The following CHD1 variants were observed in gnomAD, a reference collection of about 807,000 sequenced individuals.
CHD1 encodes chromodomain helicase DNA binding protein 1, also known as ATP-dependent chromatin remodeler CHD1.
Under a neutral mutation model 224.2 loss-of-function variants are expected in CHD1, and 36 were observed. That is an observed-to-expected ratio of 0.16 (90% CI 0.12 to 0.21). The LOEUF is 0.21. CHD1 is among the 10% of genes least tolerant of loss of function. The probability of loss-of-function intolerance (pLI) is 1.00; values close to 1 mark genes in which losing one functional copy is unlikely to be tolerated. For missense variants in CHD1, 1,378 were observed against 1,994.8 expected (o/e 0.69, Z 5.89); for synonymous variants, 668 against 658.3 (o/e 1.01, Z -0.23).
intron 30 of CHD1, chr5:98,868,940 T>C (rs954817511): frequency 5.3e-5 from 35 of 662,990 alleles, no homozygotes; most frequent in Non-Finnish European, 6.3e-5. Context: ...AGGGCTGATA[T>C]GCAATTTAGT....
intron 2 of CHD1, among the ~76,000 whole-genome samples, chr5:98,919,036 T>C (rs1297108881): frequency 6.6e-6 from 1 of 152,262 alleles, no homozygotes; most frequent in African/African-American, 2.4e-5. Flanking sequence ...TATAATAATC[T>C]TTCTTGAAGT....
intron 3 of CHD1, among the ~76,000 whole-genome samples, chr5:98,904,654 A>C (rs901230902): frequency 2.0e-5 from 3 of 152,250 alleles, no homozygotes; most frequent in African/African-American, 7.2e-5. Context: ...CCTAAGAGGC[A>C]GAAAACGTTT....
At chr5:98,866,067 G>C (rs1748839001) in intron 31 of CHD1, among the ~76,000 whole-genome samples, 1 of 151,930 alleles carries the variant, frequency 6.6e-6, no homozygotes, top group Non-Finnish European at 1.5e-5. Flanking sequence ...AAAAGCTAAA[G>C]AATACCACCT....
intron 15 of CHD1, among the ~76,000 whole-genome samples, chr5:98,889,578 CTG>C (rs1466411876): frequency 7.6e-6 from 1 of 131,138 alleles, no homozygotes; most frequent in Non-Finnish European, 1.6e-5. Flanking sequence ...GCTAATGAAA[CTG>C]AATTATTTTG....
intron 2 of CHD1, among the ~76,000 whole-genome samples, chr5:98,917,801 T>C (rs967284652): frequency 6.6e-6 from 1 of 152,186 alleles, no homozygotes; most frequent in Non-Finnish European, 1.5e-5. Context: ...AACTTCTGAG[T>C]GCAATTTAAC....
At chr5:98,897,810 A>C (rs1751437653) in intron 10 of CHD1, among the ~76,000 whole-genome samples, 1 of 152,210 alleles carries the variant, frequency 6.6e-6, no homozygotes, top group African/African-American at 2.4e-5. Flanking sequence ...GTATTGTGCA[A>C]GGTAGTTCTG....
intron 10 of CHD1, among the ~76,000 whole-genome samples, chr5:98,897,910 G>GT (rs1173642666): frequency 6.6e-6 from 1 of 151,942 alleles, no homozygotes; most frequent in African/African-American, 2.4e-5. Flanking sequence ...GTTTCCAAGG[G>GT]TTTTTTTCTG....
At chr5:98,915,363 T>C (rs1263303812) in intron 2 of CHD1, among the ~76,000 whole-genome samples, 2 of 152,040 alleles carry the variant, frequency 1.3e-5, no homozygotes, top group Non-Finnish European at 2.9e-5. Flanking sequence ...CCTTAAAGTT[T>C]CTAACTGAAG....
intron 2 of CHD1, among the ~76,000 whole-genome samples, chr5:98,917,663 C>T (rs530141660): frequency 6.6e-6 from 1 of 152,288 alleles, no homozygotes; most frequent in East Asian, 1.9e-4. Flanking sequence ...TGCCTCAGTT[C>T]TGAGAGATAC....
At chr5:98,858,914 T>A (rs2545734) in intron 34 of CHD1, 50 bp downstream of exon 34, 220,378 of 1,319,184 alleles carry the variant, frequency 0.17, 20,040 homozygotes, top group Middle Eastern at 0.26. Context: ...AACAAAAATT[T>A]AAAAAAAATT....
At chr5:98,915,114 G>A (rs1057217603) in intron 2 of CHD1, among the ~76,000 whole-genome samples, 1 of 152,144 alleles carries the variant, frequency 6.6e-6, no homozygotes, top group African/African-American at 2.4e-5. Flanking sequence ...TTTACATCAT[G>A]ATGAAGTATA....
At position 98,923,977 on chromosome 5, in the gene CHD1, C is replaced by T. The variant is rs890605456; in HGVS notation, c.53+2357G>A. Among the ~76,000 whole-genome samples, 6 of 151,912 alleles carry T rather than the reference C, an allele frequency of 3.9e-5. No individual in the cohort carries two copies. The South Asian group carries it at 6.3e-4, about 16-fold the overall frequency. ...AACTATGAATAAGAAAATGTGAGGCCGGGTGTGGCAGCTCACACCTGTAAT... is the reference window on the plus strand; with the variant it reads ...AACTATGAATAAGAAAATGTGAGGCTGGGTGTGGCAGCTCACACCTGTAAT... On this transcript the variant is annotated intron_variant, in intron 2 of 35. Transcript: ENST00000614616.
Position 98,928,914 on chromosome 5 carries a change from C to A in CHD1, c.-524G>T. 1 of 153,864 alleles carries A rather than the reference C, an allele frequency of 6.5e-6. No individual in the cohort carries two copies. The highest frequency in any genetic ancestry group is 1.7e-4 in the South Asian group (1 of 5,820). The allele number at this position is 153,864 out of a possible 1,614,324, so 9.5% of individuals were successfully genotyped here. ...AGCAAGCGAGCGCAACCGTCTCCGT[C>A]GTAGCCGCCGCCGCCACCGAGGTCG... On this transcript the variant is annotated 5_prime_UTR_variant, in exon 1 of 36. Coordinates refer to ENST00000614616, the MANE Select transcript of CHD1 (RefSeq NM_001270.4).
intron 24 of CHD1, 40 bp from the exon 25 acceptor site, chr5:98,875,153 A>G (rs1393474606): frequency 1.7e-6 from 2 of 1,153,886 alleles, no homozygotes; most frequent in East Asian, 2.4e-5. Context: ...GAGCTTCAGT[A>G]TTCACTAAAA....
intron 5 of CHD1, 109 bp downstream of exon 5, chr5:98,902,791 C>T: frequency 1.6e-6 from 1 of 609,550 alleles, no homozygotes; most frequent in Non-Finnish European, 2.8e-6. Context: ...ATGCCATGAA[C>T]TAAGAATTTA....
At chr5:98,911,146 A>AAAAT (rs1491111295) in intron 2 of CHD1, among the ~76,000 whole-genome samples, 101 of 39,112 alleles carry the variant, frequency 2.6e-3, no homozygotes, top group Non-Finnish European at 3.2e-3. Context: ...AAAAAAAAAA[A>AAAAT]ATATATATAT....
intron 25 of CHD1, among the ~76,000 whole-genome samples, chr5:98,874,553 A>G (rs1429775575): frequency 2.0e-5 from 3 of 150,866 alleles, no homozygotes; most frequent in South Asian, 2.1e-4. Context: ...AAAAAAAAAA[A>G]AAAAAAAAAT....
At chr5:98,888,996 C>G (rs1208599376) in intron 16 of CHD1, 80 bp downstream of exon 16, 1 of 920,308 alleles carries the variant, frequency 1.1e-6, no homozygotes, top group African/African-American at 1.7e-5. Flanking sequence ...TAAGTTAAAG[C>G]ATTGAGCCAT....
intron 2 of CHD1, among the ~76,000 whole-genome samples, chr5:98,918,389 G>A (rs1483930919): frequency 6.6e-6 from 1 of 151,624 alleles, no homozygotes; most frequent in East Asian, 2.0e-4. Context: ...TAAACCTCAG[G>A]TAAAGAACTG....
Sources: allele counts gnomAD v4.1 joint callset (sites outside exome capture counted in the v4.1 genomes callset), GRCh38; gene constraint gnomAD v4.1.1; transcripts MANE v1.5; gene names NCBI Gene and HGNC (gene_info 2026-07-23, HGNC 2026-07-21).